The following GLIS3 variants were observed in gnomAD, a reference collection of about 807,000 sequenced individuals.
The protein encoded by GLIS3 is GLIS family zinc finger 3.
A neutral mutation model predicts 78.6 loss-of-function variants in GLIS3; 53 were observed. The observed-to-expected ratio is 0.67, with a 90% CI of 0.54 to 0.85. The LOEUF is 0.85. Among genes scored for constraint, GLIS3 ranks in the 40% least tolerant of loss-of-function variants. The probability of loss-of-function intolerance (pLI) is 0.00; values close to 1 mark genes in which losing one functional copy is unlikely to be tolerated. For synonymous variants in GLIS3, 684 were observed against 509.9 expected (o/e 1.34, Z -4.60); for missense variants, 1,703 against 1,231.1 (o/e 1.38, Z -5.74).
intron 2 of GLIS3, among the ~76,000 whole-genome samples, chr9:4,195,777 C>G (rs1818777203): frequency 6.6e-6 from 1 of 152,254 alleles, no homozygotes; most frequent in Non-Finnish European, 1.5e-5. Flanking sequence ...TTATGTCTAG[C>G]TGGAGGATTG....
upstream of GLIS3, among the ~76,000 whole-genome samples, chr9:4,303,910 T>A (rs889529711): frequency 1.3e-5 from 2 of 152,270 alleles, no homozygotes; most frequent in African/African-American, 4.8e-5. Context: ...ACATCTATAC[T>A]GGCCAACTAT....
rs547061602 is a variant in GLIS3 at position 3,899,442 on chromosome 9, CAAT to C, written c.1984-610_1984-608del. The stretch of plus-strand genomic sequence containing the variant: ...AGTTACATGTAAAAAAAAAATCAAA[CAAT>C]AAAAAATGCTAAAATAAACTAGGTG... On this transcript the variant is annotated intron_variant, in intron 6 of 10. Transcript: ENST00000381971. Among the ~76,000 whole-genome samples, 328 of 146,666 alleles carry C rather than the reference CAAT, an allele frequency of 2.2e-3. 2 individuals carry two copies. Among genetic ancestry groups the C allele is most frequent in the African/African-American group, 7.5e-3 (298 of 39,848 alleles).
intron 6 of GLIS3, among the ~76,000 whole-genome samples, chr9:3,931,437 G>A (rs774151389): frequency 3.3e-5 from 5 of 152,114 alleles, no homozygotes; most frequent in Admixed American, 6.5e-5. Context: ...CTTGAAATAC[G>A]TTGAGTCTCA....
intron 2 of GLIS3, among the ~76,000 whole-genome samples, chr9:4,173,203 A>G (rs1274424753): frequency 6.6e-6 from 1 of 152,178 alleles, no homozygotes; most frequent in Non-Finnish European, 1.5e-5. Flanking sequence ...GAAATTAGCC[A>G]AAACAGGAAT....
In GLIS3 at chr9:3,982,540, T is replaced by A. The variant is rs982737013; in HGVS notation, c.1711-45351A>T. The stretch of plus-strand genomic sequence containing the variant: ...GGAAAACACAGGGGAAGCTTCTTCT[T>A]TTTCTTGTTGACAAAAGCTGGATCA... On this transcript the variant is annotated intron_variant, in intron 4 of 10. Transcript: ENST00000381971. Among the ~76,000 whole-genome samples, 4 of 152,208 alleles carry A rather than the reference T, an allele frequency of 2.6e-5. No individual in the cohort carries two copies. The East Asian group carries it at 7.7e-4, about 29-fold the overall frequency.
chr9:3,878,990 G>T (rs1821526761), intron 8 of GLIS3, among the ~76,000 whole-genome samples: 1 of 152,088 alleles, frequency 6.6e-6, no homozygotes, highest in Non-Finnish European at 1.5e-5. Context: ...GAAGTCCTTT[G>T]TGAGACAGAT....
the GLIS3 span, among the ~76,000 whole-genome samples, chr9:4,368,325 G>A: frequency 6.7e-6 from 1 of 149,168 alleles, no homozygotes; most frequent in Non-Finnish European, 1.5e-5. Context: ...GGTAGGGAGC[G>A]CACAAGAACC....
chr9:3,929,686 G>GT (rs1420562427), intron 6 of GLIS3, among the ~76,000 whole-genome samples: 2 of 152,104 alleles, frequency 1.3e-5, no homozygotes, highest in African/African-American at 2.4e-5. Context: ...ACAGAAAAGG[G>GT]TTTTATTCTT....
chr9:4,179,280 C>A (rs1011152191), intron 2 of GLIS3, among the ~76,000 whole-genome samples: 10 of 152,132 alleles, frequency 6.6e-5, no homozygotes, highest in African/African-American at 2.4e-4. Context: ...CTCTTCTTTC[C>A]CTGTGTCGAG....
chr9:4,482,089 G>A, the GLIS3 span, among the ~76,000 whole-genome samples: 1 of 152,082 alleles, frequency 6.6e-6, no homozygotes, highest in Non-Finnish European at 1.5e-5. Flanking sequence ...AATTTAAATG[G>A]TATCTTCAGA....
intron 8 of GLIS3, among the ~76,000 whole-genome samples, chr9:3,861,659 A>G (rs1820222975): frequency 6.6e-6 from 1 of 152,194 alleles, no homozygotes; most frequent in Non-Finnish European, 1.5e-5. Context: ...GCTGGAAGCC[A>G]TTATCCTCAG....
At chr9:4,102,967 A>C (rs1431685050) in intron 4 of GLIS3, among the ~76,000 whole-genome samples, 4 of 152,096 alleles carry the variant, frequency 2.6e-5, no homozygotes, top group Non-Finnish European at 1.5e-5. Context: ...GGAAAAATAC[A>C]TGTAAAATGA....
intron 2 of GLIS3, among the ~76,000 whole-genome samples, chr9:4,137,785 C>G (rs1431777674): frequency 6.6e-6 from 1 of 152,194 alleles, no homozygotes; most frequent in Non-Finnish European, 1.5e-5. Flanking sequence ...CTGAAAGCTG[C>G]TCTGCTCCAT....
chr9:4,466,564 A>AAT, the GLIS3 span, among the ~76,000 whole-genome samples: 1 of 152,220 alleles, frequency 6.6e-6, no homozygotes, highest in African/African-American at 2.4e-5. Context: ...TTAATCTAAC[A>AAT]ATATATATAA....
intron 2 of GLIS3, among the ~76,000 whole-genome samples, chr9:4,235,153 G>A (rs10974404): frequency 0.18 from 26,785 of 151,878 alleles, 2,742 homozygotes; most frequent in African/African-American, 0.28. Context: ...AAAAAAAATC[G>A]CTGGGCGTGG....
At chr9:4,426,116 A>G in the GLIS3 span, among the ~76,000 whole-genome samples, 1 of 152,216 alleles carries the variant, frequency 6.6e-6, no homozygotes, top group Non-Finnish European at 1.5e-5. Flanking sequence ...ATGAGTCCAG[A>G]GCCCCCAGGT....
At chr9:4,334,028 G>C (rs1449415412) in intron 2 of GLIS3, among the ~76,000 whole-genome samples, 1 of 152,124 alleles carries the variant, frequency 6.6e-6, no homozygotes, top group Non-Finnish European at 1.5e-5. Context: ...AAACAAAAGT[G>C]ACCTCTTCAT....
chr9:4,011,040 G>C (rs1588447496), intron 4 of GLIS3, among the ~76,000 whole-genome samples: 1 of 152,198 alleles, frequency 6.6e-6, no homozygotes, highest in African/African-American at 2.4e-5. Flanking sequence ...TCAGCGGGGA[G>C]TGGAGGTAGA....
At chr9:4,285,770 T>G in intron 2 of GLIS3, 1 of 473,040 alleles carries the variant, frequency 2.1e-6, no homozygotes, top group East Asian at 4.0e-5. Context: ...CCACTCAGCC[T>G]GCCTCCCTAT....
Sources: gnomAD v4.1 joint callset for allele counts (sites outside exome capture counted in the v4.1 genomes callset) on GRCh38, gnomAD v4.1.1 for gene constraint, MANE v1.5 for transcripts, NCBI Gene and HGNC (gene_info 2026-07-23, HGNC 2026-07-21) for gene names.